Variants in PBX3 observed in about 807,000 individuals in gnomAD.
PBX3 encodes the protein pre-B-cell leukemia transcription factor 3.
A neutral mutation model predicts 48.5 loss-of-function variants in PBX3; 14 were observed. The observed-to-expected ratio is 0.29, with a 90% CI of 0.19 to 0.45. PBX3 has a LOEUF of 0.45. Ranked by LOEUF, PBX3 falls within the 20% of genes least tolerant of loss-of-function variation. The pLI is 1.00. For missense variants in PBX3, 386 were observed against 546.7 expected (o/e 0.71, Z 2.93); for synonymous variants, 210 against 200.3 (o/e 1.05, Z -0.41).
Position 125,867,918 on chromosome 9 carries a change from C to T in PBX3, c.275-47768C>T, listed in dbSNP as rs148872235. 3.4e-3 allele frequency among the ~76,000 whole-genome samples: 523 copies of T among 151,934 alleles called. 2 individuals are homozygous for T. The highest frequency in any genetic ancestry group is 0.011 in the African/African-American group (470 of 41,434). ...TGAGACAAGGTCTTGTTTTGTTTCC[C>T]AGGCTGGAGTGCAGTGACACAGTCA... On this transcript the variant is annotated intron_variant, in intron 2 of 8. Coordinates refer to ENST00000373489, the MANE Select transcript of PBX3 (RefSeq NM_006195.6).
At chr9:125,782,335 C>T (rs142605596) in intron 2 of PBX3, among the ~76,000 whole-genome samples, 61 of 152,278 alleles carry the variant, frequency 4.0e-4, no homozygotes, top group Non-Finnish European at 6.2e-4. Flanking sequence ...GATTCAATTA[C>T]GTCCCACCCC....
intron 2 of PBX3, among the ~76,000 whole-genome samples, chr9:125,761,378 A>G (rs938839149): frequency 6.6e-6 from 1 of 152,146 alleles, no homozygotes; most frequent in Non-Finnish European, 1.5e-5. Context: ...ACATTTACTG[A>G]TTAAATGCTC....
At chr9:125,962,792 A>G (rs191328749) in intron 7 of PBX3, among the ~76,000 whole-genome samples, 150 of 152,370 alleles carry the variant, frequency 9.8e-4, no homozygotes, top group Non-Finnish European at 1.6e-3. Flanking sequence ...TTGCATTGCC[A>G]TGAAGATGTT....
intron 2 of PBX3, among the ~76,000 whole-genome samples, chr9:125,898,551 A>T (rs1000183965): frequency 1.3e-5 from 2 of 151,686 alleles, no homozygotes; most frequent in African/African-American, 4.8e-5. Flanking sequence ...GAGATTCCTG[A>T]CTAAATTCTG....
chr9:125,876,770 T>C (rs10987001), intron 2 of PBX3, among the ~76,000 whole-genome samples: 3,177 of 151,832 alleles, frequency 0.021, 172 homozygotes, highest in East Asian at 0.17. Context: ...GTTGTTATCT[T>C]ACTTTTTATA....
intron 2 of PBX3, among the ~76,000 whole-genome samples, chr9:125,835,801 A>G (rs1335351047): frequency 6.6e-6 from 1 of 152,220 alleles, no homozygotes; most frequent in Non-Finnish European, 1.5e-5. Context: ...GCTTCCTCAA[A>G]AAACTGAAAA....
intron 2 of PBX3, among the ~76,000 whole-genome samples, chr9:125,863,255 G>T (rs1004541760): frequency 6.7e-6 from 1 of 149,094 alleles, no homozygotes; most frequent in African/African-American, 2.5e-5. Context: ...CCAAGCTGGA[G>T]TGCAGTGGTG....
chr9:125,881,507 A>G (rs1210893460), intron 2 of PBX3, among the ~76,000 whole-genome samples: 3 of 152,206 alleles, frequency 2.0e-5, no homozygotes, highest in Non-Finnish European at 2.9e-5. Context: ...TCAATTTTAC[A>G]TCATTATCAC....
intron 2 of PBX3, among the ~76,000 whole-genome samples, chr9:125,877,685 A>G (rs1248286016): frequency 6.6e-6 from 1 of 152,160 alleles, no homozygotes; most frequent in East Asian, 1.9e-4. Flanking sequence ...TAACATTTTC[A>G]GAATCTGAAC....
chr9:125,902,416 G>T (rs1358703295), intron 2 of PBX3, among the ~76,000 whole-genome samples: 4 of 151,658 alleles, frequency 2.6e-5, no homozygotes, highest in Non-Finnish European at 5.9e-5. Flanking sequence ...GTCTTCAGCA[G>T]AGAGTATCCA....
In PBX3 at chr9:125,965,825, T is replaced by C; in HGVS notation, c.1213-6T>C. 1 of 1,611,678 alleles carries C rather than the reference T, an allele frequency of 6.2e-7. No individual in the cohort carries two copies. On this transcript the variant is annotated splice_polypyrimidine_tract_variant and splice_region_variant and intron_variant, in intron 8 of 8. Transcript: ENST00000373489. ...TGCACCCGTTGAACTGTGTTTCTCC[T>C]TTCAGGCTAATGGAGGCTGGCAGGA...
rs1837533293 is a variant in PBX3, at chr9:125,789,073, G to GAC, written c.274+40451_274+40452insCA. Among the ~76,000 whole-genome samples the GAC allele has an allele frequency of 2.0e-5, 3 of 152,152 alleles. No individual in the cohort carries two copies. The South Asian group carries it at 6.2e-4, about 32-fold the overall frequency. Reference sequence around the variant, plus strand: ...TGCTTTCACTCAACACTTATTTTAAGATTTTCAACATTGACACATTTAGTT... The same window carrying GAC: ...TGCTTTCACTCAACACTTATTTTAAGACATTTTCAACATTGACACATTTAGTT... On this transcript the variant is annotated intron_variant, in intron 2 of 8. Transcript: ENST00000373489.
intron 2 of PBX3, among the ~76,000 whole-genome samples, chr9:125,771,077 G>T (rs1037585638): frequency 6.6e-6 from 1 of 152,186 alleles, no homozygotes; most frequent in African/African-American, 2.4e-5. Flanking sequence ...ATGTGTTGGT[G>T]ATGATATACT....
At chr9:125,899,046 A>G (rs962302046) in intron 2 of PBX3, among the ~76,000 whole-genome samples, 1 of 151,146 alleles carries the variant, frequency 6.6e-6, no homozygotes, top group Non-Finnish European at 1.5e-5. Context: ...GTTTGGTAAA[A>G]GAAACATCTG....
intron 2 of PBX3, among the ~76,000 whole-genome samples, chr9:125,870,415 A>G (rs1840092925): frequency 2.0e-5 from 3 of 152,150 alleles, no homozygotes; most frequent in Admixed American, 2.0e-4. Context: ...TTGTGGAAGG[A>G]AACACCCCCT....
At chr9:125,793,366 A>AATATATATCT (rs1837676312) in intron 2 of PBX3, among the ~76,000 whole-genome samples, 1 of 101,976 alleles carries the variant, frequency 9.8e-6, no homozygotes, top group Non-Finnish European at 1.8e-5. Flanking sequence ...GGAAAAAAAA[A>AATATATATCT]ATATATATAT....
intron 2 of PBX3, among the ~76,000 whole-genome samples, chr9:125,852,076 A>C (rs953748690): frequency 6.6e-6 from 1 of 152,164 alleles, no homozygotes; most frequent in South Asian, 2.1e-4. Context: ...AAAAAGGGAA[A>C]GATGTCTGGC....
intron 2 of PBX3, among the ~76,000 whole-genome samples, chr9:125,789,410 G>A (rs1465082311): frequency 6.6e-6 from 1 of 152,186 alleles, no homozygotes; most frequent in East Asian, 1.9e-4. Flanking sequence ...TTGGGGGAGG[G>A]TTTGCCTCTC....
intron 2 of PBX3, among the ~76,000 whole-genome samples, chr9:125,856,272 T>G (rs1473672737): frequency 6.6e-6 from 1 of 152,224 alleles, no homozygotes; most frequent in Non-Finnish European, 1.5e-5. Flanking sequence ...TGTAAAATAC[T>G]CTGTATAGAG....
Sources: gnomAD v4.1 joint callset for allele counts (sites outside exome capture counted in the v4.1 genomes callset) on GRCh38, gnomAD v4.1.1 for gene constraint, MANE v1.5 for transcripts, NCBI Gene and HGNC (gene_info 2026-07-23, HGNC 2026-07-21) for gene names.